LONRF2: variants seen among roughly 807,000 people sequenced by gnomAD.
LONRF2 encodes LON peptidase N-terminal domain and RING finger protein 2.
Under a neutral mutation model 66.6 loss-of-function variants are expected in LONRF2, and 35 were observed. That is an observed-to-expected ratio of 0.53 (90% CI 0.40 to 0.70). LONRF2 has a LOEUF of 0.70. LONRF2 is among the 30% of genes least tolerant of loss of function. The pLI is 0.00. For missense variants in LONRF2, 902 were observed against 1,002.1 expected (o/e 0.90, Z 1.35); for synonymous variants, 417 against 418.1 (o/e 1.00, Z 0.03).
chr2:100,303,069 C>A, intron 2 of LONRF2, 26 bp from the exon 3 acceptor site: 1 of 1,555,408 alleles, frequency 6.4e-7, no homozygotes, highest in Non-Finnish European at 8.7e-7. Context: ...ACAAAGTGTA[C>A]ATTTTTAAAA....
rs1320778983 is a variant in LONRF2, at chr2:100,290,359, A to T, written c.1819T>A (p.Ser607Thr). The T allele has an allele frequency of 6.2e-7, 1 of 1,614,136 alleles. No homozygotes were observed. Among genetic ancestry groups the T allele is most frequent in the Admixed American group, 1.7e-5 (1 of 60,022 alleles). The change falls in exon 10 of 12, where the codon TCT becomes ACT. Residue 607 changes from serine (S) to threonine (T), a missense_variant. Around this residue, in one of 2 missense-constraint regions of LONRF2, gnomAD observed 317 missense variants for 432.2 expected, o/e 0.73. Coordinates refer to ENST00000393437, the MANE Select transcript of LONRF2 (RefSeq NM_198461.4). ...CTGATGCCAATCGCGTCTACAACAG[A>T]ACTTCCATCAGGAAACGTTCTCACG... Reference protein sequence around the residue: ...KDVRTFPDGSSVVDAIGISRF... With the variant: ...KDVRTFPDGSTVVDAIGISRF...
intron 7 of LONRF2, among the ~76,000 whole-genome samples, chr2:100,297,280 C>A (rs1280399851): frequency 2.7e-5 from 4 of 149,396 alleles, no homozygotes; most frequent in Non-Finnish European, 3.0e-5. Flanking sequence ...AGGTGCCCGC[C>A]ACCATACCTG....
chr2:100,300,301 G>A (rs1174222343), intron 4 of LONRF2, among the ~76,000 whole-genome samples: 1 of 151,446 alleles, frequency 6.6e-6, no homozygotes, highest in Admixed American at 6.6e-5. Context: ...TGTACAACGT[G>A]CAGGTTTGTT....
intron 2 of LONRF2, among the ~76,000 whole-genome samples, chr2:100,307,199 C>T (rs968024431): frequency 2.0e-5 from 3 of 152,144 alleles, no homozygotes; most frequent in South Asian, 2.1e-4. Flanking sequence ...GGATTACAGG[C>T]GTGAGCCACC....
chr2:100,313,557 T>C (rs1317863994), intron 1 of LONRF2, among the ~76,000 whole-genome samples: 1 of 152,124 alleles, frequency 6.6e-6, no homozygotes, highest in African/African-American at 2.4e-5. Context: ...GTGTTCTCTA[T>C]GAAAAGAAAG....
In LONRF2 at chr2:100,283,081, T is replaced by C. The variant is rs1674773182; in HGVS notation, c.*1217A>G. The stretch of plus-strand genomic sequence containing the variant: ...GAAGCCAACCAAATGCACCAGCTGG[T>C]TGGGCCAGAGAGAACATATGAGTAT... On this transcript the variant is annotated 3_prime_UTR_variant, in exon 12 of 12. Transcript: ENST00000393437. The C allele has an allele frequency of 6.6e-6, 1 of 152,192 alleles. No homozygotes were observed. Among genetic ancestry groups the C allele is most frequent in the African/African-American group, 2.4e-5 (1 of 41,426 alleles). The allele number at this position is 152,192 out of a possible 1,614,324, so 9.4% of individuals were successfully genotyped here. A position where few individuals can be genotyped will look rare whatever the true frequency, so the allele number is the denominator to read the frequency against.
chr2:100,309,074 T>C (rs748806388), intron 2 of LONRF2, 33 bp downstream of exon 2: 1 of 1,359,286 alleles, frequency 7.4e-7, no homozygotes. Context: ...AAACTTCACA[T>C]TGATTATCTC....
intron 2 of LONRF2, among the ~76,000 whole-genome samples, chr2:100,303,868 C>T (rs528104717): frequency 2.3e-4 from 35 of 152,234 alleles, no homozygotes; most frequent in African/African-American, 7.9e-4. Flanking sequence ...AATTTGGAAA[C>T]TTTTTACCCA....
chr2:100,288,493 T>A (rs1261514907), intron 10 of LONRF2, among the ~76,000 whole-genome samples: 1 of 152,252 alleles, frequency 6.6e-6, no homozygotes, highest in Non-Finnish European at 1.5e-5. Context: ...TGCTGCAGTA[T>A]AATTTACAGA....
At chr2:100,300,190 C>CAT in intron 4 of LONRF2, among the ~76,000 whole-genome samples, 1 of 152,064 alleles carries the variant, frequency 6.6e-6, no homozygotes. Context: ...CACACACACA[C>CAT]ATACACATAC....
chr2:100,310,010 T>C (rs897414966), intron 1 of LONRF2, among the ~76,000 whole-genome samples: 3 of 152,214 alleles, frequency 2.0e-5, no homozygotes, highest in Non-Finnish European at 2.9e-5. Context: ...TAGATGTTGA[T>C]TTGTCCCCAT....
rs1196798154 is a variant in LONRF2, at chr2:100,273,899, A to G, written c.*10399T>C. 6.6e-6 allele frequency: 1 copy of G among 152,194 alleles called. No individual in the cohort carries two copies. The highest frequency in any genetic ancestry group is 1.5e-5 in the Non-Finnish European group (1 of 68,040). 9.4% of individuals were successfully genotyped at this position (152,194 alleles called of 1,614,324 possible). ...GAGTACACAGCTTTCCAACCTATTA[A>G]CAGGTTCTTATTTTCAGAATTGAGT... is the stretch of plus-strand genomic sequence containing the variant. On this transcript the variant is annotated 3_prime_UTR_variant, in exon 12 of 12. Coordinates refer to ENST00000393437, the MANE Select transcript of LONRF2 (RefSeq NM_198461.4).
At chr2:100,290,528 A>C (rs1336910829) in intron 9 of LONRF2, 108 bp from the exon 10 acceptor site, 1 of 1,137,626 alleles carries the variant, frequency 8.8e-7, no homozygotes, top group Non-Finnish European at 1.2e-6. Flanking sequence ...CACACAAAAC[A>C]GTGTCTCCAC....
intron 2 of LONRF2, among the ~76,000 whole-genome samples, chr2:100,307,683 C>T (rs1675325928): frequency 6.6e-6 from 1 of 152,144 alleles, no homozygotes; most frequent in African/African-American, 2.4e-5. Flanking sequence ...CATATGTTGA[C>T]TACAGTTAAT....
In LONRF2 at chr2:100,281,101, T is replaced by A. The variant is rs1452320318; in HGVS notation, c.*3197A>T. 1 of 152,174 alleles carries A rather than the reference T, an allele frequency of 6.6e-6. No homozygotes were observed. The highest frequency in any genetic ancestry group is 1.5e-5 in the Non-Finnish European group (1 of 68,030). The allele number at this position is 152,174 out of a possible 1,614,324, so 9.4% of individuals were successfully genotyped here. A position where few individuals can be genotyped will look rare whatever the true frequency, so the allele number is the denominator to read the frequency against. ...CTATGTAACACAGGCAATGGAGTAT[T>A]TCGATGGTAGCAACTGCCAATTTTC... On this transcript the variant is annotated 3_prime_UTR_variant, in exon 12 of 12. Transcript: ENST00000393437.
At chr2:100,319,296 C>G (rs1675575761) in intron 1 of LONRF2, among the ~76,000 whole-genome samples, 1 of 152,024 alleles carries the variant, frequency 6.6e-6, no homozygotes, top group South Asian at 2.1e-4. Flanking sequence ...TGAATACATT[C>G]TATATAAGTT....
chr2:100,315,332 T>C (rs2104213087), intron 1 of LONRF2, among the ~76,000 whole-genome samples: 1 of 152,374 alleles, frequency 6.6e-6, no homozygotes, highest in Non-Finnish European at 1.5e-5. Context: ...TCATTTATAA[T>C]TTCTAATAGT....
At position 100,278,919 on chromosome 2, in the gene LONRF2, T is replaced by C. The variant is rs1196847659; in HGVS notation, c.*5379A>G. 1 of 152,204 alleles carries C rather than the reference T, an allele frequency of 6.6e-6. No individual in the cohort carries two copies. The highest frequency in any genetic ancestry group is 1.5e-5 in the Non-Finnish European group (1 of 68,062). The allele number at this position is 152,204 out of a possible 1,614,324, so 9.4% of individuals were successfully genotyped here. The stretch of plus-strand genomic sequence containing the variant: ...TACATGCCCTGCTTCTGCCGAAACA[T>C]GGCCCCCTACACTCCCATGTCTAAA... On this transcript the variant is annotated 3_prime_UTR_variant, in exon 12 of 12. Transcript: ENST00000393437.
chr2:100,286,127 G>T (rs1459326632), intron 11 of LONRF2, among the ~76,000 whole-genome samples: 12 of 151,634 alleles, frequency 7.9e-5, no homozygotes, highest in Non-Finnish European at 1.8e-4. Flanking sequence ...GAAAAAAAAA[G>T]AATTCAGGCA....
Sources: gnomAD v4.1 joint callset for allele counts (sites outside exome capture counted in the v4.1 genomes callset) on GRCh38, gnomAD v4.1.1 for gene constraint, gnomAD v4.1.1 regional missense constraint, MANE v1.5 for transcripts, NCBI Gene and HGNC (gene_info 2026-07-23, HGNC 2026-07-21) for gene names.